The following MYO1D variants were observed in gnomAD, a reference collection of about 807,000 sequenced individuals.
The protein encoded by MYO1D is unconventional myosin-Id.
Under a neutral mutation model 122.0 loss-of-function variants are expected in MYO1D, and 83 were observed. The observed-to-expected ratio is 0.68, with a 90% CI of 0.57 to 0.82. MYO1D has a LOEUF of 0.82. MYO1D is among the 40% of genes least tolerant of loss of function. The probability of loss-of-function intolerance (pLI) is 0.00; values close to 1 mark genes in which losing one functional copy is unlikely to be tolerated. For synonymous variants in MYO1D, 464 were observed against 446.9 expected (o/e 1.04, Z -0.48); for missense variants, 1,157 against 1,269.5 (o/e 0.91, Z 1.35).
At chr17:32,665,992 C>A (rs2088631244) in intron 16 of MYO1D, among the ~76,000 whole-genome samples, 1 of 152,134 alleles carries the variant, frequency 6.6e-6, no homozygotes, top group Non-Finnish European at 1.5e-5. Flanking sequence ...TGGTACCTGA[C>A]CCCTCTCCTC....
chr17:32,626,025 C>T (rs1211671340), intron 20 of MYO1D, among the ~76,000 whole-genome samples: 15 of 152,218 alleles, frequency 9.9e-5, no homozygotes, highest in Non-Finnish European at 2.1e-4. Context: ...CACCAGTTTT[C>T]TCTTCAGAGC....
At chr17:32,852,289 C>T (rs1024989673) in intron 1 of MYO1D, among the ~76,000 whole-genome samples, 9 of 152,154 alleles carry the variant, frequency 5.9e-5, no homozygotes, top group Non-Finnish European at 1.0e-4. Flanking sequence ...CCACACCTGG[C>T]TAGTTTTTGT....
At chr17:32,530,981 T>C (rs1910491930) in intron 21 of MYO1D, among the ~76,000 whole-genome samples, 1 of 152,046 alleles carries the variant, frequency 6.6e-6, no homozygotes, top group Admixed American at 6.6e-5. Context: ...TCCCTTCTTT[T>C]AGTTCTCTGT....
At chr17:32,679,813 T>C (rs1039986559) in intron 16 of MYO1D, among the ~76,000 whole-genome samples, 1 of 151,254 alleles carries the variant, frequency 6.6e-6, no homozygotes, top group Non-Finnish European at 1.5e-5. Context: ...GTTGGTAGCT[T>C]GATGGGGATG....
intron 16 of MYO1D, among the ~76,000 whole-genome samples, chr17:32,671,753 T>C (rs2088724740): frequency 6.6e-6 from 1 of 152,184 alleles, no homozygotes; most frequent in South Asian, 2.1e-4. Flanking sequence ...ACTGGAAACA[T>C]GTTTAATGGA....
intron 16 of MYO1D, among the ~76,000 whole-genome samples, chr17:32,687,351 C>T (rs567135768): frequency 6.6e-6 from 1 of 152,246 alleles, no homozygotes; most frequent in East Asian, 1.9e-4. Flanking sequence ...CACCTGCCAC[C>T]ACGCCCGGCT....
At chr17:32,805,469 T>C (rs1282073837) in intron 1 of MYO1D, among the ~76,000 whole-genome samples, 1 of 152,112 alleles carries the variant, frequency 6.6e-6, no homozygotes, top group Non-Finnish European at 1.5e-5. Context: ...AGGAAGCAGG[T>C]TCAGAGAAAT....
intron 17 of MYO1D, among the ~76,000 whole-genome samples, chr17:32,658,313 A>T (rs1235951668): frequency 1.3e-5 from 2 of 152,220 alleles, no homozygotes; most frequent in African/African-American, 4.8e-5. Context: ...CAATTAGTTC[A>T]AAGTGTTCTT....
chr17:32,549,993 G>A (rs2086997414), intron 21 of MYO1D, among the ~76,000 whole-genome samples: 1 of 152,042 alleles, frequency 6.6e-6, no homozygotes, highest in Non-Finnish European at 1.5e-5. Flanking sequence ...TTCTATGATA[G>A]TGAATACTTA....
Position 32,494,765 on chromosome 17 carries a change from C to T in MYO1D, c.3015G>A (p.Gly1005=). 1 of 1,602,314 alleles carries T rather than the reference C, an allele frequency of 6.2e-7. No homozygotes were observed. The highest frequency in any genetic ancestry group is 8.5e-7 in the Non-Finnish European group (1 of 1,174,750). ...NRSGFILSVP[G]N The stretch of plus-strand genomic sequence containing the variant: ...GCCAGGCCTCCGCGGGGCGTCAGTT[C>T]CCGGGCACGCTGAGGATGAAGCCCG... The change falls in exon 22 of 22, where the codon GGG becomes GGA. Residue 1005 remains glycine (G), a synonymous_variant. Coordinates refer to ENST00000318217, the MANE Select transcript of MYO1D (RefSeq NM_015194.3).
chr17:32,852,914 T>G (rs986115645), intron 1 of MYO1D, among the ~76,000 whole-genome samples: 5 of 152,180 alleles, frequency 3.3e-5, no homozygotes, highest in African/African-American at 1.2e-4. Flanking sequence ...GCATCAAATG[T>G]CATCATATAC....
rs559178274 is a variant in MYO1D at position 32,825,808 on chromosome 17, C to T, written c.96-45024G>A. On this transcript the variant is annotated intron_variant, in intron 1 of 21. Transcript: ENST00000318217. The stretch of plus-strand genomic sequence containing the variant: ...ATCCCAGCACTCTGGAAGACCCAGG[C>T]GGGAAGACTGCTTGAGCCCAGGAGT... Among the ~76,000 whole-genome samples the T allele has an allele frequency of 4.5e-4, 69 of 152,186 alleles. No homozygotes were observed. The East Asian group carries it at 4.8e-3, about 11-fold the overall frequency.
At chr17:32,516,290 C>G (rs964948877) in intron 21 of MYO1D, among the ~76,000 whole-genome samples, 3 of 152,188 alleles carry the variant, frequency 2.0e-5, no homozygotes, top group Non-Finnish European at 4.4e-5. Flanking sequence ...TGGCCATGGT[C>G]CAGTGCCTCT....
chr17:32,553,952 C>T (rs1043106325), intron 21 of MYO1D, among the ~76,000 whole-genome samples: 1 of 152,176 alleles, frequency 6.6e-6, no homozygotes, highest in Non-Finnish European at 1.5e-5. Context: ...TCTAACATGT[C>T]TGTGTCATCT....
At chr17:32,623,633 C>T (rs1483825798) in intron 20 of MYO1D, among the ~76,000 whole-genome samples, 2 of 152,130 alleles carry the variant, frequency 1.3e-5, no homozygotes, top group Non-Finnish European at 2.9e-5. Context: ...TACAGATACG[C>T]GATCATGAGG....
At chr17:32,646,384 G>A (rs1334105247) in intron 19 of MYO1D, among the ~76,000 whole-genome samples, 2 of 152,038 alleles carry the variant, frequency 1.3e-5, no homozygotes, top group Non-Finnish European at 2.9e-5. Flanking sequence ...CAAGAGCATT[G>A]CTTGAGCCCG....
chr17:32,642,367 C>T (rs368606874), intron 19 of MYO1D, among the ~76,000 whole-genome samples: 13 of 151,126 alleles, frequency 8.6e-5, no homozygotes, highest in African/African-American at 2.7e-4. Context: ...GGTAGCGTGA[C>T]GCCTCCAGCT....
chr17:32,499,911 C>T (rs879864615), intron 21 of MYO1D, among the ~76,000 whole-genome samples: 2 of 152,026 alleles, frequency 1.3e-5, no homozygotes, highest in African/African-American at 4.8e-5. Context: ...TGCAGTGAGC[C>T]GAGACTGAGC....
At chr17:32,569,001 T>A (rs930178655) in intron 21 of MYO1D, among the ~76,000 whole-genome samples, 1 of 152,194 alleles carries the variant, frequency 6.6e-6, no homozygotes, top group African/African-American at 2.4e-5. Flanking sequence ...CCACCCCCAA[T>A]ATGTAGAGGA....
Sources: allele counts gnomAD v4.1 joint callset (sites outside exome capture counted in the v4.1 genomes callset), GRCh38; gene constraint gnomAD v4.1.1; transcripts MANE v1.5; gene names NCBI Gene and HGNC (gene_info 2026-07-23, HGNC 2026-07-21).